The following TSC1 variants were observed in gnomAD, a reference collection of about 807,000 sequenced individuals.
TSC1 encodes hamartin.
Under a neutral mutation model 124.3 loss-of-function variants are expected in TSC1, and 20 were observed. The ratio of observed to expected loss-of-function variants is 0.16; its 90% confidence interval spans 0.11 to 0.23. TSC1 has a LOEUF of 0.23. Among genes scored for constraint, TSC1 ranks in the 10% least tolerant of loss-of-function variants. The pLI is 1.00. For synonymous variants in TSC1, 493 were observed against 539.1 expected (o/e 0.91, Z 1.19); for missense variants, 1,124 against 1,448.5 (o/e 0.78, Z 3.64).
Position 132,927,183 on chromosome 9 carries a change from T to G in TSC1, c.210+18A>C. ...TCATGAAGAACATATGAAATGCCTATGATATTTCAGCCATTACCTTGTCAT... is the reference window on the plus strand; with the variant it reads ...TCATGAAGAACATATGAAATGCCTAGGATATTTCAGCCATTACCTTGTCAT... On this transcript the variant is annotated intron_variant, in intron 4 of 22. Transcript: ENST00000298552. The G allele has an allele frequency of 1.2e-6, 2 of 1,610,332 alleles. No individual in the cohort carries two copies. The highest frequency in any genetic ancestry group is 1.7e-6 in the Non-Finnish European group (2 of 1,177,092).
Position 132,911,133 on chromosome 9 carries a change from C to T in TSC1, c.1030-20G>A. ...AGTAGCCTGGGAAGTTAATAAAGTA[C>T]ATCAGCAGTGGCAAAGGAATGCTAA... On this transcript the variant is annotated intron_variant, in intron 10 of 22. Transcript: ENST00000298552. The T allele has an allele frequency of 6.3e-7, 1 of 1,583,706 alleles. No homozygotes were observed.
rs1564482313 is a variant in TSC1, at chr9:132,906,037, C to A, written c.1541G>T (p.Gly514Val). The A allele has an allele frequency of 2.5e-6, 4 of 1,614,100 alleles. No homozygotes were observed. The highest frequency in any genetic ancestry group is 1.7e-6 in the Non-Finnish European group (2 of 1,180,008). Residue 514 changes from glycine (G) to valine (V), a missense_variant, in exon 15 of 23, where the codon GGT becomes GTT. This residue lies in a region of TSC1 where 321 missense variants were observed against 397.4 expected (regional missense o/e 0.81). Coordinates refer to ENST00000298552, the MANE Select transcript of TSC1 (RefSeq NM_000368.5). The surrounding 1 kb of genome is among the most constrained non-coding windows in gnomAD (Gnocchi z 4.1). ...TGCCGAGTGGGTCTTCCGCTGAGAA[C>A]CTGGGAGACTGTCTCGGTAAAAGGG... ...DSPFYRDSLP[G>V]SQRKTHSAAS...
intron 12 of TSC1, among the ~76,000 whole-genome samples, chr9:132,908,102 T>C (rs1040227977): frequency 6.6e-6 from 1 of 151,788 alleles, no homozygotes; most frequent in Non-Finnish European, 1.5e-5. Flanking sequence ...CACAAAATAA[T>C]AATAATAATG....
Position 132,927,168 on chromosome 9 carries a change from C to T in TSC1, c.210+33G>A, listed in dbSNP as rs118203350. 9.0e-3 allele frequency: 14,445 copies of T among 1,602,738 alleles called. 118 individuals carry two copies. The highest frequency in any genetic ancestry group is 0.02 in the South Asian group (1,804 of 89,616). On this transcript the variant is annotated intron_variant, in intron 4 of 22. Coordinates refer to ENST00000298552, the MANE Select transcript of TSC1 (RefSeq NM_000368.5). ...CAGAAGCTGTTGTACTCATGAAGAA[C>T]ATATGAAATGCCTATGATATTTCAG...
At chr9:132,934,892 G>A (rs1847377640) in intron 2 of TSC1, 141 bp downstream of exon 2, 1 of 396,564 alleles carries the variant, frequency 2.5e-6, no homozygotes, top group Non-Finnish European at 4.4e-6. Flanking sequence ...CATCAGTAAT[G>A]TGACTAATCC....
At position 132,902,887 on chromosome 9, in the gene TSC1, G is replaced by GA; in HGVS notation, c.2209-101dup. 1 of 1,476,080 alleles carries GA rather than the reference G, an allele frequency of 6.8e-7. No individual in the cohort carries two copies. Among genetic ancestry groups the GA allele is most frequent in the Non-Finnish European group, 9.4e-7 (1 of 1,064,896 alleles). The allele number at this position is 1,476,080 out of a possible 1,614,324, so 91.4% of individuals were successfully genotyped here. A position where few individuals can be genotyped will look rare whatever the true frequency, so the allele number is the denominator to read the frequency against. The stretch of plus-strand genomic sequence containing the variant: ...CATCTGAATAGTCATAAGCTACCCT[G>GA]AAAATGTAACTAACTACAGACCAAA... On this transcript the variant is annotated intron_variant, in intron 17 of 22. Transcript: ENST00000298552. This position sits in a 1 kb window ranked among gnomAD's most constrained non-coding sequence, Gnocchi z 5.2.
intron 3 of TSC1, among the ~76,000 whole-genome samples, chr9:132,928,165 A>G (rs1223524409): frequency 6.6e-6 from 1 of 152,170 alleles, no homozygotes; most frequent in Admixed American, 6.5e-5. Flanking sequence ...ATGGCTCTAC[A>G]TAACTAATTT....
chr9:132,913,670 CA>C (rs1393063063), intron 8 of TSC1, among the ~76,000 whole-genome samples: 1 of 151,454 alleles, frequency 6.6e-6, no homozygotes, highest in Non-Finnish European at 1.5e-5. Flanking sequence ...ACTAAAAATA[CA>C]AAAAATTAGC....
At chr9:132,932,217 G>A (rs1230549363) in intron 2 of TSC1, among the ~76,000 whole-genome samples, 1 of 152,092 alleles carries the variant, frequency 6.6e-6, no homozygotes, top group African/African-American at 2.4e-5. Context: ...ATATTCAGAG[G>A]GCATGACCTT....
At chr9:132,907,778 T>A (rs1845749392) in intron 12 of TSC1, among the ~76,000 whole-genome samples, 1 of 152,128 alleles carries the variant, frequency 6.6e-6, no homozygotes, top group Admixed American at 6.5e-5. Flanking sequence ...CCAGCAGCTT[T>A]CTTTATAGTC....
chr9:132,944,822 GC>G, upstream of TSC1: 4 of 384,888 alleles, frequency 1.0e-5, no homozygotes, highest in Non-Finnish European at 1.8e-5. Flanking sequence ...ATGGAGGGGG[GC>G]GGGGCCGGGC....
intron 1 of TSC1, among the ~76,000 whole-genome samples, chr9:132,936,748 C>A (rs1359865124): frequency 6.6e-6 from 1 of 152,182 alleles, no homozygotes; most frequent in Non-Finnish European, 1.5e-5. Flanking sequence ...GGCAAAAACA[C>A]CCTGCTCAGA....
In TSC1 at chr9:132,928,597, C is replaced by G. The variant is rs184299305; in HGVS notation, c.106+170G>C. On this transcript the variant is annotated intron_variant, in intron 3 of 22. Transcript: ENST00000298552. ...GATTCTTACTTCATGTGTGTGCATA[C>G]TTGAGTATTTCCATAATTGAAAGTT... Among the ~76,000 whole-genome samples the G allele has an allele frequency of 4.6e-5, 7 of 152,302 alleles. No individual in the cohort carries two copies. In the East Asian group the frequency reaches 1.2e-3, roughly 25 times the overall value.
At position 132,923,593 on chromosome 9, in the gene TSC1, A is replaced by C; in HGVS notation, c.364-101T>G. 6.5e-7 allele frequency: 1 copy of C among 1,538,004 alleles called. No homozygotes were observed. ...AGGCTCTAAACACTGAGAGAATCAC[A>C]AATCACAAGTTGACTCACGTACTCA... On this transcript the variant is annotated intron_variant, in intron 5 of 22. Transcript: ENST00000298552. The surrounding 1 kb of genome is among the most constrained non-coding windows in gnomAD (Gnocchi z 4.2).
At chr9:132,943,047 AAGATT>A (rs1847822758) in intron 1 of TSC1, among the ~76,000 whole-genome samples, 1 of 152,214 alleles carries the variant, frequency 6.6e-6, no homozygotes, top group African/African-American at 2.4e-5. Context: ...AGGCTCCCCA[AAGATT>A]AGGTTTTATA....
Position 132,891,612 on chromosome 9 carries a change from T to A in TSC1, c.*4623A>T, listed in dbSNP as rs1844774288. ...ACTAAAAGCAGTCCGTTAAAAAAAA[T>A]CAGTTTCTTTCACTGATGGGACCCC... On this transcript the variant is annotated 3_prime_UTR_variant, in exon 23 of 23. Transcript: ENST00000298552. The A allele has an allele frequency of 4.3e-6, 1 of 233,422 alleles. No homozygotes were observed. Among genetic ancestry groups the A allele is most frequent in the Non-Finnish European group, 8.5e-6 (1 of 118,002 alleles). 14.5% of individuals were successfully genotyped at this position (233,422 alleles called of 1,614,324 possible). A position where few individuals can be genotyped will look rare whatever the true frequency, so the allele number is the denominator to read the frequency against.
intron 8 of TSC1, among the ~76,000 whole-genome samples, chr9:132,913,924 A>G: frequency 1.9e-5 from 2 of 103,668 alleles, no homozygotes; most frequent in Non-Finnish European, 3.6e-5. Context: ...TTTTAGACAG[A>G]GTCTCACTCT....
Position 132,906,928 on chromosome 9 carries a change from T to A in TSC1, c.1334-93A>T. On this transcript the variant is annotated intron_variant, in intron 13 of 22. Coordinates refer to ENST00000298552, the MANE Select transcript of TSC1 (RefSeq NM_000368.5). This position sits in a 1 kb window ranked among gnomAD's most constrained non-coding sequence, Gnocchi z 4.1. ...TACACTGTATAGAATATGTCTGTAA[T>A]AACTCTTCATGCTGAACAGAGAAGG... 1 of 973,598 alleles carries A rather than the reference T, an allele frequency of 1.0e-6. No homozygotes were observed. The highest frequency in any genetic ancestry group is 1.3e-5 in the South Asian group (1 of 74,738). The allele number at this position is 973,598 out of a possible 1,614,324, so 60.3% of individuals were successfully genotyped here.
chr9:132,943,521 A>G (rs1847859671), intron 1 of TSC1: 1 of 152,284 alleles, frequency 6.6e-6, no homozygotes, highest in Admixed American at 6.5e-5. Context: ...CTTTGGAGTC[A>G]GTCAGATCCC....
Sources: gnomAD v4.1 joint callset for allele counts (sites outside exome capture counted in the v4.1 genomes callset) on GRCh38, gnomAD v4.1.1 for gene constraint, gnomAD v4.1.1 regional missense constraint, Gnocchi (gnomAD v3.1) non-coding constraint, MANE v1.5 for transcripts, NCBI Gene and HGNC (gene_info 2026-07-23, HGNC 2026-07-21) for gene names.